Variants in IPCEF1 observed in about 807,000 individuals in gnomAD.
IPCEF1 encodes interaction protein for cytohesin exchange factors 1.
Under a neutral mutation model 50.9 loss-of-function variants are expected in IPCEF1, and 31 were observed. That is an observed-to-expected ratio of 0.61 (90% CI 0.46 to 0.82). IPCEF1 has a LOEUF of 0.82. Ranked by LOEUF, IPCEF1 falls within the 40% of genes least tolerant of loss-of-function variation. IPCEF1 has a pLI of 0.00. For synonymous variants in IPCEF1, 181 were observed against 192.0 expected, an observed-to-expected ratio of 0.94 and a Z score of 0.47; for missense variants, 458 against 514.0, an observed-to-expected ratio of 0.89 and a Z score of 1.05.
At chr6:154,210,333 G>A (rs1252744705) in intron 9 of IPCEF1, among the ~76,000 whole-genome samples, 1 of 152,206 alleles carries the variant, frequency 6.6e-6, no homozygotes, top group Non-Finnish European at 1.5e-5. Context: ...GGCACAGTGT[G>A]AGGGAGAATG....
intron 3 of IPCEF1, among the ~76,000 whole-genome samples, chr6:154,255,025 T>C (rs1269556206): frequency 6.6e-6 from 1 of 152,226 alleles, no homozygotes; most frequent in Non-Finnish European, 1.5e-5. Flanking sequence ...ACTCTCTTGT[T>C]ATTGCAGTCT....
intron 11 of IPCEF1, among the ~76,000 whole-genome samples, chr6:154,167,644 T>C (rs879896957): frequency 6.6e-6 from 1 of 152,206 alleles, no homozygotes; most frequent in Non-Finnish European, 1.5e-5. Context: ...TTATGCATGG[T>C]CCTTGCTGTC....
At chr6:154,281,569 T>C (rs1236349966) in intron 2 of IPCEF1, among the ~76,000 whole-genome samples, 1 of 151,436 alleles carries the variant, frequency 6.6e-6, no homozygotes, top group Non-Finnish European at 1.5e-5. Flanking sequence ...TGAAGTGAAA[T>C]GGGCAAGCCT....
intron 3 of IPCEF1, among the ~76,000 whole-genome samples, chr6:154,259,325 ACC>A (rs1286940950): frequency 6.6e-6 from 1 of 152,094 alleles, no homozygotes; most frequent in East Asian, 1.9e-4. Flanking sequence ...CTTTCAACAA[ACC>A]CTCCAAATAC....
At position 154,320,143 on chromosome 6, in the gene IPCEF1, A is replaced by T. The variant is rs73789444; in HGVS notation, c.-61-30387T>A. 2.1e-3 allele frequency among the ~76,000 whole-genome samples: 321 copies of T among 152,284 alleles called. 1 individual carries two copies. The highest frequency in any genetic ancestry group is 7.4e-3 in the African/African-American group (308 of 41,558). On this transcript the variant is annotated intron_variant, in intron 1 of 11. Coordinates refer to ENST00000367220, the MANE Select transcript of IPCEF1 (RefSeq NM_001130700.2). Reference sequence around the variant, plus strand: ...ATTCAAAAGTTATCATCTAAGTAATAAAAAAAGTGAAAAAGAATGAAAACA... The same window carrying T: ...ATTCAAAAGTTATCATCTAAGTAATTAAAAAAGTGAAAAAGAATGAAAACA...
intron 10 of IPCEF1, among the ~76,000 whole-genome samples, chr6:154,188,826 AT>A (rs1460716476): frequency 1.3e-5 from 2 of 152,234 alleles, no homozygotes; most frequent in African/African-American, 4.8e-5. Flanking sequence ...GTAAGATGAT[AT>A]TGTATCTCAT....
At chr6:154,317,590 C>T (rs376918879) in intron 1 of IPCEF1, among the ~76,000 whole-genome samples, 32 of 104,838 alleles carry the variant, frequency 3.1e-4, no homozygotes, top group African/African-American at 1.1e-3. Context: ...ATGACTCAGA[C>T]ACTTAACAAA....
At chr6:154,339,928 T>A (rs991238633) in intron 1 of IPCEF1, among the ~76,000 whole-genome samples, 1 of 145,352 alleles carries the variant, frequency 6.9e-6, no homozygotes, top group Admixed American at 6.7e-5. Context: ...CATGTTCAAG[T>A]TGTAAATAAC....
chr6:154,337,034 G>A (rs924011977), intron 1 of IPCEF1, among the ~76,000 whole-genome samples: 2 of 152,120 alleles, frequency 1.3e-5, no homozygotes, highest in Non-Finnish European at 2.9e-5. Context: ...ATAAATACTG[G>A]AAGTGATGGA....
intron 11 of IPCEF1, among the ~76,000 whole-genome samples, chr6:154,167,034 A>G (rs1799495547): frequency 6.6e-6 from 1 of 152,214 alleles, no homozygotes; most frequent in Admixed American, 6.5e-5. Flanking sequence ...GGGACGCCTA[A>G]GAGCCACTCA....
chr6:154,323,798 C>A (rs1327644139), intron 1 of IPCEF1, among the ~76,000 whole-genome samples: 5 of 152,126 alleles, frequency 3.3e-5, no homozygotes, highest in Non-Finnish European at 5.9e-5. Flanking sequence ...ACTAAAAATA[C>A]AAAAATTAGC....
At position 154,159,928 on chromosome 6, in the gene IPCEF1, T is replaced by C. The variant is rs1798868512; in HGVS notation, c.1217A>G (p.Tyr406Cys). Reference sequence around the variant, plus strand: ...GGCAGGCGAAGCCCGCTGCTGCTGATAGATGTCCTGGATCAGCAGGGTGTT... The same window carrying C: ...GGCAGGCGAAGCCCGCTGCTGCTGACAGATGTCCTGGATCAGCAGGGTGTT... Reference protein sequence around the residue: ...VMNTLLIQDIYQQQRASPAPD... With the variant: ...VMNTLLIQDICQQQRASPAPD... The change falls in exon 12 of 12, where the codon TAT becomes TGT. Residue 406 changes from tyrosine to cysteine, a missense_variant. Tyr to Cys is a radical substitution (Grantham distance 194). Coordinates refer to ENST00000367220, the MANE Select transcript of IPCEF1 (RefSeq NM_001130700.2). 5.0e-6 allele frequency: 8 copies of C among 1,613,894 alleles called. No homozygotes were observed. Among genetic ancestry groups the C allele is most frequent in the Non-Finnish European group, 4.2e-6 (5 of 1,179,982 alleles).
intron 1 of IPCEF1, among the ~76,000 whole-genome samples, chr6:154,337,328 T>C (rs922979275): frequency 2.0e-5 from 3 of 152,326 alleles, no homozygotes; most frequent in Non-Finnish European, 4.4e-5. Context: ...TCTTTAGATA[T>C]AGACACTGAG....
chr6:154,235,269 G>A (rs192572358), intron 5 of IPCEF1, among the ~76,000 whole-genome samples: 1 of 152,232 alleles, frequency 6.6e-6, no homozygotes, highest in African/African-American at 2.4e-5. Context: ...GGTGGCTCAC[G>A]CCTGTAATCC....
chr6:154,295,209 T>A (rs1782616160), intron 1 of IPCEF1, among the ~76,000 whole-genome samples: 3 of 151,598 alleles, frequency 2.0e-5, no homozygotes, highest in South Asian at 2.1e-4. Flanking sequence ...AAAAAAAAAA[T>A]ACTAATAGCC....
At chr6:154,348,046 A>G (rs1313071708) in intron 1 of IPCEF1, among the ~76,000 whole-genome samples, 1 of 152,074 alleles carries the variant, frequency 6.6e-6, no homozygotes, top group Admixed American at 6.6e-5. Flanking sequence ...TGCTCAGCCC[A>G]CTTACTGTGT....
intron 2 of IPCEF1, among the ~76,000 whole-genome samples, chr6:154,268,098 C>T (rs1014930162): frequency 1.3e-5 from 2 of 152,222 alleles, no homozygotes; most frequent in African/African-American, 2.4e-5. Flanking sequence ...TGCCCCCTTC[C>T]GCCCTGGCAT....
chr6:154,170,790 G>C (rs1264678960), intron 10 of IPCEF1, among the ~76,000 whole-genome samples: 1 of 152,224 alleles, frequency 6.6e-6, no homozygotes. Flanking sequence ...ACAGACAGTA[G>C]TAAGTGTGGA....
chr6:154,248,695 G>A (rs1781255678), intron 3 of IPCEF1, among the ~76,000 whole-genome samples: 1 of 152,094 alleles, frequency 6.6e-6, no homozygotes, highest in African/African-American at 2.4e-5. Flanking sequence ...ATTATAATTA[G>A]TAGCTGTGGT....
Sources: gnomAD v4.1 joint callset for allele counts (sites outside exome capture counted in the v4.1 genomes callset) on GRCh38, gnomAD v4.1.1 for gene constraint, MANE v1.5 for transcripts, NCBI Gene and HGNC (gene_info 2026-07-23, HGNC 2026-07-21) for gene names.